The following SERPINB2 variants were observed in gnomAD, a reference collection of about 807,000 sequenced individuals.
The protein encoded by SERPINB2 is plasminogen activator inhibitor 2.
Under a neutral mutation model 39.4 loss-of-function variants are expected in SERPINB2, and 28 were observed. The observed-to-expected ratio is 0.71, with a 90% confidence interval of 0.53 to 0.97. The LOEUF (loss-of-function observed/expected upper bound fraction) is 0.97. SERPINB2 is among the 50% of genes least tolerant of loss of function. The pLI is 0.00. For missense variants in SERPINB2, 557 were observed against 505.3 expected (o/e 1.10, Z -0.98); for synonymous variants, 209 against 175.1 (o/e 1.19, Z -1.53).
chr18:63,891,795 G>A (rs1157050889), intron 2 of SERPINB2, among the ~76,000 whole-genome samples, 183 bp downstream of exon 2: 2 of 152,210 alleles, frequency 1.3e-5, no homozygotes, highest in African/African-American at 4.8e-5. Context: ...CCAAGCCCCC[G>A]AATCCCTCAA....
In SERPINB2 at chr18:63,895,442, T is replaced by C. The variant is rs1350330566; in HGVS notation, c.288+59T>C. The C allele has an allele frequency of 3.1e-6, 5 of 1,608,344 alleles. No individual in the cohort carries two copies. The East Asian group carries it at 8.9e-5, about 29-fold the overall frequency. Reference sequence around the variant, plus strand: ...GTTTATTTTTGCAATCTTCCTGTCTTAAAGCCACAGTGTCAGACTGGGAAG... The same window carrying C: ...GTTTATTTTTGCAATCTTCCTGTCTCAAAGCCACAGTGTCAGACTGGGAAG... On this transcript the variant is annotated intron_variant, in intron 3 of 7. Coordinates refer to ENST00000299502, the MANE Select transcript of SERPINB2 (RefSeq NM_002575.3).
rs1599066239 is a variant in SERPINB2, at chr18:63,903,378, C to T, written c.*73C>T. ...GCCTCAGAATTGCTATTTCAAATTGCCAAAAATTTAGAGATGTTTTCTACA... is the reference window on the plus strand; with the variant it reads ...GCCTCAGAATTGCTATTTCAAATTGTCAAAAATTTAGAGATGTTTTCTACA... On this transcript the variant is annotated 3_prime_UTR_variant, in exon 8 of 8. Transcript: ENST00000299502. 1 of 1,412,654 alleles carries T rather than the reference C, an allele frequency of 7.1e-7. No individual in the cohort carries two copies. Among genetic ancestry groups the T allele is most frequent in the Non-Finnish European group, 9.3e-7 (1 of 1,070,902 alleles). 87.5% of individuals were successfully genotyped at this position (1,412,654 alleles called of 1,614,324 possible).
At position 63,903,088 on chromosome 18, in the gene SERPINB2, C is replaced by T. The variant is rs748882658; in HGVS notation, c.1031C>T (p.Ser344Leu). The change falls in exon 8 of 8, where the codon TCG becomes TTG. Residue 344 changes from serine to leucine, a missense_variant. Physicochemically the swap from Ser to Leu is moderately radical, Grantham distance 145. Transcript: ENST00000299502. ...GGACGGGCCAATTTCTCAGGGATGT[C>T]GGAGAGGAATGACCTGTTTCTTTCT... Reference protein sequence around the residue: ...NKGRANFSGMSERNDLFLSEV... With the variant: ...NKGRANFSGMLERNDLFLSEV... 28 of 1,613,540 alleles carry T rather than the reference C, an allele frequency of 1.7e-5. No individual in the cohort carries two copies. Among genetic ancestry groups the T allele is most frequent in the East Asian group, 4.5e-5 (2 of 44,854 alleles).
chr18:63,900,647 A>G (rs1041155417), intron 5 of SERPINB2, among the ~76,000 whole-genome samples: 2 of 152,160 alleles, frequency 1.3e-5, no homozygotes, highest in African/African-American at 2.4e-5. Context: ...TCATCAGGTC[A>G]TTGCCACAGA....
chr18:63,901,638 C>G, intron 5 of SERPINB2, 102 bp from the exon 6 acceptor site: 2 of 791,076 alleles, frequency 2.5e-6, no homozygotes, highest in Admixed American at 3.2e-5. Context: ...ATTAACAACT[C>G]TGCAATTTGA....
chr18:63,901,607 C>A, intron 5 of SERPINB2, 133 bp from the exon 6 acceptor site: 2 of 594,502 alleles, frequency 3.4e-6, no homozygotes, highest in East Asian at 3.3e-5. Context: ...TTAAATAAAC[C>A]TAAAAAACTT....
intron 2 of SERPINB2, chr18:63,892,849 ATTTT>A (rs376176823): frequency 2.1e-4 from 32 of 152,252 alleles, no homozygotes; most frequent in Admixed American, 1.4e-3. Context: ...TTTCCCCATT[ATTTT>A]TTATTTTTTG....
Position 63,895,390 on chromosome 18 carries a change from G to A in SERPINB2, c.288+7G>A, listed in dbSNP as rs770856100. On this transcript the variant is annotated splice_region_variant and intron_variant, in intron 3 of 7. Transcript: ENST00000299502. ...TCCTGATGCGATTTTGCAGGTATCT[G>A]ACTTACTGGTCCAAATTTCTTTTGT... The A allele has an allele frequency of 6.2e-7, 1 of 1,613,882 alleles. No homozygotes were observed. The highest frequency in any genetic ancestry group is 2.2e-5 in the East Asian group (1 of 44,868).
intron 5 of SERPINB2, among the ~76,000 whole-genome samples, chr18:63,898,182 A>C (rs2144703383): frequency 6.6e-6 from 1 of 152,352 alleles, no homozygotes; most frequent in Non-Finnish European, 1.5e-5. Context: ...AAAAGAAAAC[A>C]AGGCTTGACC....
intron 2 of SERPINB2, among the ~76,000 whole-genome samples, chr18:63,893,729 T>G (rs1441819173): frequency 6.6e-6 from 1 of 152,222 alleles, no homozygotes; most frequent in East Asian, 1.9e-4. Flanking sequence ...AGAGGTACTA[T>G]GTAAGGCACT....
At chr18:63,901,346 C>A (rs2049989907) in intron 5 of SERPINB2, among the ~76,000 whole-genome samples, 1 of 152,114 alleles carries the variant, frequency 6.6e-6, no homozygotes, top group Admixed American at 6.6e-5. Context: ...GATCCTCAGA[C>A]TATCTAGACC....
chr18:63,894,313 T>TA (rs1184010940), intron 2 of SERPINB2, among the ~76,000 whole-genome samples: 1 of 152,184 alleles, frequency 6.6e-6, no homozygotes, highest in Admixed American at 6.5e-5. Flanking sequence ...AGGCAGGACT[T>TA]ACGATGTATG....
Position 63,902,553 on chromosome 18 carries a change from C to T in SERPINB2, c.828C>T (p.Ser276=). 2.5e-6 allele frequency: 4 copies of T among 1,612,608 alleles called. No homozygotes were observed. The highest frequency in any genetic ancestry group is 3.4e-6 in the Non-Finnish European group (4 of 1,179,204). ...TTCCAGATGAAATTGCCGATGTGTC[C>T]ACTGGCTTGGAGCTGGTAAGACATT... is the stretch of plus-strand genomic sequence containing the variant. The part of the protein sequence containing the change: ...LLLPDEIADV[S]TGLELLESEI... The change falls in exon 7 of 8, where the codon TCC becomes TCT. Residue 276 remains serine, a synonymous_variant. Transcript: ENST00000299502.
chr18:63,897,929 C>T, intron 5 of SERPINB2, 85 bp downstream of exon 5: 2 of 884,662 alleles, frequency 2.3e-6, no homozygotes, highest in Non-Finnish European at 3.6e-6. Flanking sequence ...TTAGTTAGCC[C>T]TCACCCCTTT....
intron 2 of SERPINB2, among the ~76,000 whole-genome samples, chr18:63,892,206 C>T (rs572124845): frequency 3.9e-5 from 6 of 152,004 alleles, no homozygotes; most frequent in African/African-American, 7.2e-5. Context: ...TGTGAGGTCA[C>T]GGTAGCAGAA....
intron 2 of SERPINB2, 93 bp downstream of exon 2, chr18:63,891,705 C>A (rs1419790512): frequency 8.0e-7 from 1 of 1,247,356 alleles, no homozygotes; most frequent in Non-Finnish European, 1.1e-6. Flanking sequence ...CATTTTAACT[C>A]AGGAGGTCAG....
chr18:63,890,218 A>G (rs997692219), intron 1 of SERPINB2: 13 of 152,224 alleles, frequency 8.5e-5, no homozygotes, highest in Admixed American at 6.5e-4. Context: ...CTTAAAAAAA[A>G]AGAGTTCATG....
At chr18:63,891,218 C>T (rs561654880) in intron 1 of SERPINB2, among the ~76,000 whole-genome samples, 7 of 152,096 alleles carry the variant, frequency 4.6e-5, no homozygotes, top group East Asian at 3.9e-4. Context: ...TTCAAGATGG[C>T]GATAGGAGGG....
intron 5 of SERPINB2, among the ~76,000 whole-genome samples, chr18:63,901,279 C>T (rs2049989493): frequency 6.6e-6 from 1 of 152,122 alleles, no homozygotes; most frequent in African/African-American, 2.4e-5. Context: ...CTGCACTACT[C>T]TTAATTTAGG....
Sources: gnomAD v4.1 joint callset for allele counts (sites outside exome capture counted in the v4.1 genomes callset) on GRCh38, gnomAD v4.1.1 for gene constraint, MANE v1.5 for transcripts, NCBI Gene and HGNC (gene_info 2026-07-23, HGNC 2026-07-21) for gene names.